ZNF440: variants seen among roughly 807,000 people sequenced by gnomAD.
The protein encoded by ZNF440 is zinc finger protein 440.
In ZNF440, 47 loss-of-function variants were observed where a neutral mutation model predicts 49.7. The ratio of observed to expected loss-of-function variants is 0.95; its 90% CI spans 0.75 to 1.21. ZNF440 has a LOEUF of 1.21. Ranked by LOEUF, ZNF440 falls within the 50% of genes most tolerant of loss-of-function variation. The pLI is 0.00. For synonymous variants in ZNF440, 255 were observed against 237.7 expected (o/e 1.07, Z -0.67); for missense variants, 703 against 715.0 (o/e 0.98, Z 0.19).
chr19:11,817,988 T>C (rs1975753425), intron 1 of ZNF440, among the ~76,000 whole-genome samples: 1 of 152,124 alleles, frequency 6.6e-6, no homozygotes. Flanking sequence ...GGTGGGCGGA[T>C]CACTTGAGAT....
chr19:11,826,652 AT>A (rs1409578593), intron 1 of ZNF440, among the ~76,000 whole-genome samples: 2 of 127,200 alleles, frequency 1.6e-5, no homozygotes, highest in Admixed American at 7.8e-5. Context: ...TCCTTTTTTA[AT>A]TTTTTTTCCT....
chr19:11,820,967 G>C (rs1479317514), intron 1 of ZNF440, among the ~76,000 whole-genome samples: 1 of 152,120 alleles, frequency 6.6e-6, no homozygotes, highest in African/African-American at 2.4e-5. Flanking sequence ...GTGTTGGTGG[G>C]AAATAGTCAA....
chr19:11,831,264 T>TAC (rs1975933218), intron 3 of ZNF440, 104 bp from the exon 4 acceptor site: 1 of 1,431,992 alleles, frequency 7.0e-7, no homozygotes, highest in Admixed American at 2.4e-5. Context: ...GCAGAAAGCC[T>TAC]ACACTTTGAT....
intron 1 of ZNF440, among the ~76,000 whole-genome samples, chr19:11,829,358 G>A (rs1188014277): frequency 6.6e-6 from 1 of 150,580 alleles, no homozygotes; most frequent in Non-Finnish European, 1.5e-5. Flanking sequence ...CCTGATTTGG[G>A]TGGTCCCTGG....
chr19:11,819,143 C>A (rs918289984), intron 1 of ZNF440, among the ~76,000 whole-genome samples: 1 of 151,978 alleles, frequency 6.6e-6, no homozygotes, highest in African/African-American at 2.4e-5. Flanking sequence ...CCCTCCCCCC[C>A]ATCTCAATTA....
Position 11,834,037 on chromosome 19 carries a change from A to G in ZNF440, c.*1073A>G, listed in dbSNP as rs1412206644. ...TTGGACATTGTGAGTCAGTATAACC[A>G]TGTGGATAAAATGCCAGACATCTTT... On this transcript the variant is annotated 3_prime_UTR_variant, in exon 4 of 4. Transcript: ENST00000304060. The G allele has an allele frequency of 8.0e-6, 2 of 251,418 alleles. No homozygotes were observed. Among genetic ancestry groups the G allele is most frequent in the African/African-American group, 4.5e-5 (2 of 44,172 alleles). The allele number at this position is 251,418 out of a possible 1,614,324, so 15.6% of individuals were successfully genotyped here. A position where few individuals can be genotyped will look rare whatever the true frequency, so the allele number is the denominator to read the frequency against.
chr19:11,816,742 T>C (rs918855860), intron 1 of ZNF440: 1 of 152,426 alleles, frequency 6.6e-6, no homozygotes, highest in African/African-American at 2.4e-5. Context: ...GCGATTCTCC[T>C]GCCTCAGCTT....
Position 11,830,318 on chromosome 19 carries a change from C to A in ZNF440, c.39C>A (p.Phe13Leu). The A allele has an allele frequency of 6.2e-7, 1 of 1,614,148 alleles. No individual in the cohort carries two copies. Among genetic ancestry groups the A allele is most frequent in the Non-Finnish European group, 8.5e-7 (1 of 1,180,032 alleles). Reference sequence around the variant, plus strand: ...CTTTTAAGGATGTGGCTGTGAACTTCACCCAGGAGGAGTGGGCTTTGCTGG... The same window carrying A: ...CTTTTAAGGATGTGGCTGTGAACTTAACCCAGGAGGAGTGGGCTTTGCTGG... ...PVAFKDVAVN[F>L]TQEEWALLDI... Residue 13 changes from phenylalanine to leucine, a missense_variant, in exon 2 of 4, where the codon TTC becomes TTA. By Grantham distance (22) the Phe-to-Leu change is conservative. Transcript: ENST00000304060.
Position 11,819,777 on chromosome 19 carries a change from C to G in ZNF440, c.3+5327C>G, listed in dbSNP as rs546032791. The stretch of plus-strand genomic sequence containing the variant: ...TCACAGGTTAATTGGTGGATTATGC[C>G]TGATTAAGCATAAATTTCATTTCCC... On this transcript the variant is annotated intron_variant, in intron 1 of 3. Transcript: ENST00000304060. Among the ~76,000 whole-genome samples, 12 of 152,284 alleles carry G rather than the reference C, an allele frequency of 7.9e-5. No homozygotes were observed. In the South Asian group the frequency reaches 2.3e-3, roughly 29 times the overall value.
intron 1 of ZNF440, among the ~76,000 whole-genome samples, chr19:11,815,627 G>A (rs1975723801): frequency 6.6e-6 from 1 of 151,926 alleles, no homozygotes; most frequent in Non-Finnish European, 1.5e-5. Context: ...GTTTAGGGCC[G>A]GGCGCGGTGG....
At position 11,834,745 on chromosome 19, in the gene ZNF440, C is replaced by T. The variant is rs1456863606; in HGVS notation, c.*1781C>T. On this transcript the variant is annotated 3_prime_UTR_variant, in exon 4 of 4. Transcript: ENST00000304060. ...CACTGAGGAGCATCGTCTCATATGC[C>T]TGGTATGTGACACGTGTCTCTCCAA... The T allele has an allele frequency of 6.6e-6, 1 of 152,216 alleles. No individual in the cohort carries two copies. Among genetic ancestry groups the T allele is most frequent in the Non-Finnish European group, 1.5e-5 (1 of 68,044 alleles). 9.4% of individuals were successfully genotyped at this position (152,216 alleles called of 1,614,324 possible).
At chr19:11,816,988 A>G (rs958878263) in intron 1 of ZNF440, 5 of 152,188 alleles carry the variant, frequency 3.3e-5, no homozygotes, top group African/African-American at 4.8e-5. Context: ...TATAAGGTAC[A>G]TGAGGAGACA....
At chr19:11,824,997 G>A (rs1006543482) in intron 1 of ZNF440, among the ~76,000 whole-genome samples, 3 of 151,588 alleles carry the variant, frequency 2.0e-5, no homozygotes, top group South Asian at 2.1e-4. Flanking sequence ...GTGAGCCACC[G>A]TACCCAGCAT....
At chr19:11,817,757 T>G (rs1975750428) in intron 1 of ZNF440, 1 of 152,024 alleles carries the variant, frequency 6.6e-6, no homozygotes, top group Admixed American at 6.6e-5. Flanking sequence ...GAACGTACTG[T>G]CTAAGTTTTT....
Position 11,832,031 on chromosome 19 carries a change from A to G in ZNF440, c.855A>G (p.Gln285=), listed in dbSNP as rs763199571. The G allele has an allele frequency of 3.7e-6, 6 of 1,614,046 alleles. No individual in the cohort carries two copies. The East Asian group carries it at 6.7e-5, about 18-fold the overall frequency. Residue 285 remains glutamine (Q), a synonymous_variant, in exon 4 of 4, where the codon CAA becomes CAG. Coordinates refer to ENST00000304060, the MANE Select transcript of ZNF440 (RefSeq NM_152357.3). The part of the protein sequence containing the change: ...ERIHMGEKAY[Q]CKECGKAFTC... Reference sequence around the variant, plus strand: ...TTCACATGGGAGAAAAGGCTTATCAATGTAAGGAATGTGGAAAAGCATTCA... The same window carrying G: ...TTCACATGGGAGAAAAGGCTTATCAGTGTAAGGAATGTGGAAAAGCATTCA...
At chr19:11,822,680 T>A (rs965474784) in intron 1 of ZNF440, among the ~76,000 whole-genome samples, 2 of 152,030 alleles carry the variant, frequency 1.3e-5, no homozygotes, top group South Asian at 4.2e-4. Flanking sequence ...AAACCCTGTC[T>A]CTACTAAAAA....
chr19:11,830,178 C>A lies in ZNF440; in HGVS notation c.4-105C>A, dbSNP rs563653303. 3.9e-6 allele frequency: 6 copies of A among 1,548,496 alleles called. No individual in the cohort carries two copies. In the African/African-American group the frequency reaches 6.9e-5, roughly 18 times the overall value. ...GATCTGATGACCAAAGCAGGGAATA[C>A]GTGTTTGGAGTCCACGGCATCCTGA... On this transcript the variant is annotated intron_variant, in intron 1 of 3. Coordinates refer to ENST00000304060, the MANE Select transcript of ZNF440 (RefSeq NM_152357.3).
In ZNF440 at chr19:11,814,343, C is replaced by A; in HGVS notation, c.-105C>A. 2 of 1,325,140 alleles carry A rather than the reference C, an allele frequency of 1.5e-6. No individual in the cohort carries two copies. The highest frequency in any genetic ancestry group is 1.5e-5 in the South Asian group (1 of 65,920). 82.1% of individuals were successfully genotyped at this position (1,325,140 alleles called of 1,614,324 possible). ...CTCGGCTTTCTTGCTTCGAGAGGGA[C>A]TAGGTGCCTCCACCAGAGCTTCTGT... On this transcript the variant is annotated 5_prime_UTR_variant, in exon 1 of 4. Coordinates refer to ENST00000304060, the MANE Select transcript of ZNF440 (RefSeq NM_152357.3).
At chr19:11,822,845 T>TAAAAAA (rs547706900) in intron 1 of ZNF440, among the ~76,000 whole-genome samples, 41 of 117,550 alleles carry the variant, frequency 3.5e-4, no homozygotes, top group African/African-American at 1.3e-3. Flanking sequence ...GAAACTCCGT[T>TAAAAAA]AAAAAAAAAA....
Sources: gnomAD v4.1 joint callset for allele counts (sites outside exome capture counted in the v4.1 genomes callset) on GRCh38, gnomAD v4.1.1 for gene constraint, MANE v1.5 for transcripts, NCBI Gene and HGNC (gene_info 2026-07-23, HGNC 2026-07-21) for gene names.